Variants in SETBP1 observed in about 807,000 individuals in gnomAD.
The protein encoded by SETBP1 is SET binding protein 1, also known as SET-binding protein.
Under a neutral mutation model 101.0 loss-of-function variants are expected in SETBP1, and 9 were observed. The observed-to-expected ratio is 0.09, with a 90% CI of 0.05 to 0.16. The LOEUF (loss-of-function observed/expected upper bound fraction) is 0.16. Ranked by LOEUF, SETBP1 falls within the 10% of genes least tolerant of loss-of-function variation. The pLI, the probability that SETBP1 is intolerant of heterozygous loss-of-function variation, is 1.00. For missense variants in SETBP1, 1,858 were observed against 2,033.8 expected (o/e 0.91, Z 1.66); for synonymous variants, 818 against 788.5 (o/e 1.04, Z -0.63).
intron 2 of SETBP1, among the ~76,000 whole-genome samples, chr18:44,779,881 T>C (rs917292580): frequency 6.6e-6 from 1 of 151,928 alleles, no homozygotes; most frequent in Admixed American, 6.6e-5. Context: ...CTTGTCTTAA[T>C]AGTCTAATAA....
chr18:44,808,445 G>T (rs867923362), intron 2 of SETBP1, among the ~76,000 whole-genome samples: 25 of 152,182 alleles, frequency 1.6e-4, no homozygotes, highest in African/African-American at 6.0e-4. Context: ...GTTGGGAAAG[G>T]TCAGAGCCAA....
intron 3 of SETBP1, among the ~76,000 whole-genome samples, chr18:44,897,669 A>T (rs907972751): frequency 3.9e-5 from 6 of 152,202 alleles, no homozygotes; most frequent in African/African-American, 1.4e-4. Flanking sequence ...GAGAATAGGT[A>T]AATAGAAAAG....
intron 2 of SETBP1, among the ~76,000 whole-genome samples, chr18:44,802,600 A>G (rs931143421): frequency 1.7e-4 from 26 of 152,238 alleles, no homozygotes; most frequent in African/African-American, 6.0e-4. Flanking sequence ...TCTTGAGCCC[A>G]TGTATCTATT....
chr18:44,695,747 G>A (rs1406721813), intron 1 of SETBP1, among the ~76,000 whole-genome samples: 2 of 152,062 alleles, frequency 1.3e-5, no homozygotes, highest in Non-Finnish European at 2.9e-5. Context: ...TGCACGTGTT[G>A]TTCATGTGTT....
chr18:44,796,994 T>A (rs960000950), intron 2 of SETBP1, among the ~76,000 whole-genome samples: 2 of 152,198 alleles, frequency 1.3e-5, no homozygotes, highest in African/African-American at 4.8e-5. Flanking sequence ...GCCTCAGGAA[T>A]GCACTTGCTC....
chr18:44,734,070 C>T (rs2069905223), intron 2 of SETBP1, among the ~76,000 whole-genome samples: 1 of 152,134 alleles, frequency 6.6e-6, no homozygotes, highest in East Asian at 1.9e-4. Flanking sequence ...AGGACAAGCC[C>T]TGAAAATCAG....
intron 1 of SETBP1, among the ~76,000 whole-genome samples, chr18:44,696,462 G>C (rs2069019706): frequency 6.6e-6 from 1 of 152,160 alleles, no homozygotes; most frequent in African/African-American, 2.4e-5. Context: ...TTTCCACCAG[G>C]CTTCAGAATA....
chr18:44,997,780 G>A (rs1204101654), intron 4 of SETBP1, among the ~76,000 whole-genome samples: 1 of 152,122 alleles, frequency 6.6e-6, no homozygotes, highest in Non-Finnish European at 1.5e-5. Context: ...AAGCCAATCA[G>A]CACTAATTAG....
At chr18:44,743,321 GA>G (rs966684693) in intron 2 of SETBP1, among the ~76,000 whole-genome samples, 1 of 151,572 alleles carries the variant, frequency 6.6e-6, no homozygotes, top group African/African-American at 2.4e-5. Flanking sequence ...GGAAGGGTAA[GA>G]AAAAAAAGAA....
At chr18:45,028,947 C>T (rs530568517) in intron 4 of SETBP1, among the ~76,000 whole-genome samples, 3 of 152,244 alleles carry the variant, frequency 2.0e-5, no homozygotes, top group Non-Finnish European at 4.4e-5. Context: ...AAAATTTTCT[C>T]CCATTTTGTA....
At chr18:44,859,029 A>T (rs2073027735) in intron 2 of SETBP1, among the ~76,000 whole-genome samples, 1 of 150,618 alleles carries the variant, frequency 6.6e-6, no homozygotes, top group South Asian at 2.1e-4. Flanking sequence ...TGTGGGAGGG[A>T]GGAAGGAAGA....
chr18:44,843,683 G>T (rs1206626714), intron 2 of SETBP1, among the ~76,000 whole-genome samples: 1 of 152,154 alleles, frequency 6.6e-6, no homozygotes, highest in Non-Finnish European at 1.5e-5. Flanking sequence ...AGTCAAAGGG[G>T]CCACCCTTGA....
In SETBP1 at chr18:44,930,917, GTT is replaced by G. The variant is rs2070818596; in HGVS notation, c.541-18959_541-18958del. Among the ~76,000 whole-genome samples the G allele has an allele frequency of 2.0e-5, 3 of 151,406 alleles. No homozygotes were observed. In the South Asian group the frequency reaches 6.3e-4, roughly 32 times the overall value. On this transcript the variant is annotated intron_variant, in intron 3 of 5. Coordinates refer to ENST00000649279, the MANE Select transcript of SETBP1 (RefSeq NM_015559.3). ...CTGGATTCATTGATTTTTTTGAAGA[GTT>G]TTTTGTGTCTCTATCTCCTTCAGTT...
At chr18:44,831,071 T>G (rs928562644) in intron 2 of SETBP1, among the ~76,000 whole-genome samples, 4 of 152,228 alleles carry the variant, frequency 2.6e-5, no homozygotes, top group Non-Finnish European at 4.4e-5. Flanking sequence ...TCTGTTTTTA[T>G]TCGCAATCCT....
intron 3 of SETBP1, among the ~76,000 whole-genome samples, chr18:44,919,021 T>G (rs1475849293): frequency 6.6e-6 from 1 of 152,228 alleles, no homozygotes. Context: ...CTCGGCCCAG[T>G]GCCCTTTTCA....
intron 3 of SETBP1, among the ~76,000 whole-genome samples, chr18:44,918,736 A>C (rs969208771): frequency 6.6e-6 from 1 of 152,252 alleles, no homozygotes; most frequent in Non-Finnish European, 1.5e-5. Context: ...GAAGATGTAC[A>C]TAAAAACATT....
rs755788018 is a variant in SETBP1, at chr18:44,952,922, C to G, written c.3582C>G (p.Asp1194Glu). 1 of 1,614,178 alleles carries G rather than the reference C, an allele frequency of 6.2e-7. No individual in the cohort carries two copies. The highest frequency in any genetic ancestry group is 2.2e-5 in the East Asian group (1 of 44,882). Reference protein sequence around the residue: ...HILSERLSSADKELPLVSEKN... With the variant: ...HILSERLSSAEKELPLVSEKN... ...TGAGCGAGCGGCTGAGTAGCGCAGA[C>G]AAAGAGCTCCCGCTGGTGAGTGAGA... Residue 1194 changes from aspartate (D) to glutamate (E), a missense_variant, in exon 4 of 6, where the codon GAC (aspartate) becomes GAG (glutamate). By Grantham distance (45) the Asp-to-Glu change is conservative. Coordinates refer to ENST00000649279, the MANE Select transcript of SETBP1 (RefSeq NM_015559.3).
chr18:45,013,117 C>G (rs548556248), intron 4 of SETBP1, among the ~76,000 whole-genome samples: 1 of 152,358 alleles, frequency 6.6e-6, no homozygotes, highest in Non-Finnish European at 1.5e-5. Context: ...GGTTGAGCCC[C>G]GTGGTGTCTG....
At chr18:44,699,798 C>T (rs962156311) in intron 1 of SETBP1, among the ~76,000 whole-genome samples, 4 of 152,218 alleles carry the variant, frequency 2.6e-5, no homozygotes, top group Admixed American at 2.6e-4. Context: ...GGGCTGCCTT[C>T]CTGGCTGGCT....
Sources: gnomAD v4.1 joint callset for allele counts (sites outside exome capture counted in the v4.1 genomes callset) on GRCh38, gnomAD v4.1.1 for gene constraint, MANE v1.5 for transcripts, NCBI Gene and HGNC (gene_info 2026-07-23, HGNC 2026-07-21) for gene names.